Variants in PARD6G observed in about 807,000 individuals in gnomAD.
PARD6G encodes par-6 family cell polarity regulator gamma, also known as partitioning defective 6 homolog gamma.
In PARD6G, 7 loss-of-function variants were observed where a neutral mutation model predicts 10.7. That is an observed-to-expected ratio of 0.66 (90% CI 0.37 to 1.23). The LOEUF is 1.23. Ranked by LOEUF, PARD6G falls within the 50% of genes most tolerant of loss-of-function variation. The pLI is 0.02. For synonymous variants in PARD6G, 287 were observed against 269.4 expected (o/e 1.07, Z -0.64); for missense variants, 548 against 571.8 (o/e 0.96, Z 0.42).
rs981680378 is a variant in PARD6G at position 80,158,837 on chromosome 18, A to AAAAC, written c.*930_*933dup. 2 of 152,144 alleles carry AAAAC rather than the reference A, an allele frequency of 1.3e-5. No individual in the cohort carries two copies. The highest frequency in any genetic ancestry group is 2.1e-4 in the South Asian group (1 of 4,820). 9.4% of individuals were successfully genotyped at this position (152,144 alleles called of 1,614,324 possible). On this transcript the variant is annotated 3_prime_UTR_variant, in exon 3 of 3. Coordinates refer to ENST00000353265, the MANE Select transcript of PARD6G (RefSeq NM_032510.4). ...ATGACAGAACAAGACACTATGTCTC[A>AAAAC]AAACAAACAAAAAAAAGCCCCGGAA...
chr18:80,232,607 T>A (rs751082029), intron 1 of PARD6G, among the ~76,000 whole-genome samples: 1 of 152,098 alleles, frequency 6.6e-6, no homozygotes, highest in Non-Finnish European at 1.5e-5. Context: ...ACTGCCCCCA[T>A]GATTCAAATT....
At chr18:80,187,157 G>C (rs2052884602) in intron 2 of PARD6G, among the ~76,000 whole-genome samples, 1 of 152,036 alleles carries the variant, frequency 6.6e-6, no homozygotes, top group Non-Finnish European at 1.5e-5. Flanking sequence ...CTAATGGTCT[G>C]ACACCAGTGG....
Position 80,183,531 on chromosome 18 carries a change from G to A in PARD6G, c.295+19179C>T, listed in dbSNP as rs892764561. The A allele has an allele frequency of 4.1e-4, 84 of 206,212 alleles. 1 individual carries two copies. Among genetic ancestry groups the A allele is most frequent in the East Asian group, 2.5e-4 (2 of 7,880 alleles). 12.8% of individuals were successfully genotyped at this position (206,212 alleles called of 1,614,324 possible). Reference sequence around the variant, plus strand: ...CCGGTCGTACACACAGCCCCAGCTCGAGCACTGTGCGGCCACTCTCTCTCC... The same window carrying A: ...CCGGTCGTACACACAGCCCCAGCTCAAGCACTGTGCGGCCACTCTCTCTCC... On this transcript the variant is annotated intron_variant, in intron 2 of 2. Coordinates refer to ENST00000353265, the MANE Select transcript of PARD6G (RefSeq NM_032510.4). The surrounding 1 kb of genome is among the most constrained non-coding windows in gnomAD (Gnocchi z 4.5).
intron 1 of PARD6G, among the ~76,000 whole-genome samples, chr18:80,212,641 TTTGGGAGG>T (rs1383930149): frequency 6.6e-6 from 1 of 151,968 alleles, no homozygotes; most frequent in East Asian, 1.9e-4. Flanking sequence ...ATCCCAGCAT[TTTGGGAGG>T]CCAAGGCGGG....
At chr18:80,204,151 T>A (rs1382355519) in intron 1 of PARD6G, among the ~76,000 whole-genome samples, 1 of 152,222 alleles carries the variant, frequency 6.6e-6, no homozygotes, top group Non-Finnish European at 1.5e-5. Flanking sequence ...CAATTCGGGA[T>A]CTTTATTCAT....
At chr18:80,215,866 C>T (rs1387843514) in intron 1 of PARD6G, among the ~76,000 whole-genome samples, 1 of 151,988 alleles carries the variant, frequency 6.6e-6, no homozygotes, top group Non-Finnish European at 1.5e-5. Context: ...AACAATCATT[C>T]TCCAGTTATA....
chr18:80,229,033 G>T (rs993926917), intron 1 of PARD6G, among the ~76,000 whole-genome samples: 43 of 152,102 alleles, frequency 2.8e-4, no homozygotes, highest in African/African-American at 9.7e-4. Flanking sequence ...CCACCTCCTG[G>T]GTTCAAGCGA....
chr18:80,181,692 C>CTGGA lies in PARD6G; in HGVS notation c.295+21014_295+21017dup, dbSNP rs2052849315. Among the ~76,000 whole-genome samples the CTGGA allele has an allele frequency of 6.6e-6, 1 of 152,152 alleles. No individual in the cohort carries two copies. The highest frequency in any genetic ancestry group is 1.9e-4 in the East Asian group (1 of 5,184). On this transcript the variant is annotated intron_variant, in intron 2 of 2. Transcript: ENST00000353265. The surrounding 1 kb of genome is among the most constrained non-coding windows in gnomAD (Gnocchi z 7.9). The stretch of plus-strand genomic sequence containing the variant: ...GGAAGAGCTTCTCTCTGCTGCCAAC[C>CTGGA]TGGAGCCTGGCCCTTCCCTCCTTCC...
intron 2 of PARD6G, among the ~76,000 whole-genome samples, chr18:80,166,986 A>G (rs1193895728): frequency 6.6e-6 from 1 of 152,116 alleles, no homozygotes; most frequent in Non-Finnish European, 1.5e-5. Flanking sequence ...CTGTGCTCCA[A>G]GGGAGTTTCA....
intron 1 of PARD6G, among the ~76,000 whole-genome samples, chr18:80,236,396 T>A (rs762379615): frequency 6.6e-6 from 1 of 152,154 alleles, no homozygotes; most frequent in Non-Finnish European, 1.5e-5. Context: ...GCCAATATCA[T>A]CTTGAATGGG....
chr18:80,236,006 C>T (rs1386625620), intron 1 of PARD6G, among the ~76,000 whole-genome samples: 2 of 152,166 alleles, frequency 1.3e-5, no homozygotes, highest in Non-Finnish European at 2.9e-5. Context: ...TTTTATGAGG[C>T]CAGCATCATC....
At chr18:80,173,689 G>A (rs1055339164) in intron 2 of PARD6G, among the ~76,000 whole-genome samples, 2 of 152,146 alleles carry the variant, frequency 1.3e-5, no homozygotes, top group African/African-American at 4.8e-5. Context: ...AAACACTGAT[G>A]CTTTTTTCTG....
chr18:80,246,530 G>A lies in PARD6G; in HGVS notation c.72+747C>T, dbSNP rs1387771100. Among the ~76,000 whole-genome samples, 1 of 150,418 alleles carries A rather than the reference G, an allele frequency of 6.6e-6. No individual in the cohort carries two copies. The highest frequency in any genetic ancestry group is 2.4e-5 in the African/African-American group (1 of 40,866). Reference sequence around the variant, plus strand: ...GTCTGATCCGGGGGCGCGCTCGGGAGGGGTCTGGGTCTGAGCCGGGGGCGC... The same window carrying A: ...GTCTGATCCGGGGGCGCGCTCGGGAAGGGTCTGGGTCTGAGCCGGGGGCGC... On this transcript the variant is annotated intron_variant, in intron 1 of 2. Transcript: ENST00000353265. The surrounding 1 kb of genome is among the most constrained non-coding windows in gnomAD (Gnocchi z 6.7).
intron 2 of PARD6G, 142 bp from the exon 3 acceptor site, chr18:80,160,748 GAGCT>G (rs34423903): frequency 1.6e-6 from 2 of 1,281,748 alleles, no homozygotes; most frequent in Non-Finnish European, 2.0e-6. Context: ...CCTGCAGGCT[GAGCT>G]GAAATCAGGC....
At position 80,247,323 on chromosome 18, in the gene PARD6G, T is replaced by G. The variant is rs556434662; in HGVS notation, c.26A>C (p.Gln9Pro). Residue 9 changes from glutamine to proline, a missense_variant, in exon 1 of 3, where the codon CAG becomes CCG. Coordinates refer to ENST00000353265, the MANE Select transcript of PARD6G (RefSeq NM_032510.4). This position sits in a 1 kb window ranked among gnomAD's most constrained non-coding sequence, Gnocchi z 4.2. MNRSFHKS[Q>P]TLRFYDCSAV... ...GCTGCAATCGTAGAATCGCAAGGTC[T>G]GAGACTTGTGAAAACTTCGGTTCAT... The G allele has an allele frequency of 1.9e-6, 3 of 1,580,200 alleles. No individual in the cohort carries two copies. The South Asian group carries it at 3.4e-5, about 18-fold the overall frequency.
chr18:80,192,819 G>A lies in PARD6G; in HGVS notation c.295+9891C>T, dbSNP rs944972809. 8.5e-5 allele frequency among the ~76,000 whole-genome samples: 13 copies of A among 152,192 alleles called. No homozygotes were observed. The highest frequency in any genetic ancestry group is 2.6e-4 in the Admixed American group (4 of 15,300). ...CTGTGGGCAGGGACCCTCCTGGCTC[G>A]CCGGCCGTGGGAGCTGGGCTGTCAG... is the stretch of plus-strand genomic sequence containing the variant. On this transcript the variant is annotated intron_variant, in intron 2 of 2. Coordinates refer to ENST00000353265, the MANE Select transcript of PARD6G (RefSeq NM_032510.4). The surrounding 1 kb of genome is among the most constrained non-coding windows in gnomAD (Gnocchi z 4.9).
chr18:80,214,315 A>G (rs1967139249), intron 1 of PARD6G, among the ~76,000 whole-genome samples: 1 of 151,930 alleles, frequency 6.6e-6, no homozygotes, highest in African/African-American at 2.4e-5. Context: ...AAGACCAAAA[A>G]TTAGCCAGGT....
chr18:80,196,645 A>C (rs2145276162), intron 2 of PARD6G, among the ~76,000 whole-genome samples: 1 of 152,306 alleles, frequency 6.6e-6, no homozygotes, highest in South Asian at 2.1e-4. Flanking sequence ...CTCAATTGGA[A>C]GAGAATCAAG....
chr18:80,182,290 G>A lies in PARD6G; in HGVS notation c.295+20420C>T, dbSNP rs540071523. Among the ~76,000 whole-genome samples the A allele has an allele frequency of 2.6e-5, 4 of 152,238 alleles. No individual in the cohort carries two copies. The highest frequency in any genetic ancestry group is 4.8e-5 in the African/African-American group (2 of 41,478). ...CCCCAGCCCTCCCTGAAGGGTGGCA[G>A]CTGATGCCTGTGTGCCTGAAGGCAG... On this transcript the variant is annotated intron_variant, in intron 2 of 2. Coordinates refer to ENST00000353265, the MANE Select transcript of PARD6G (RefSeq NM_032510.4). This position sits in a 1 kb window ranked among gnomAD's most constrained non-coding sequence, Gnocchi z 4.5.
Sources: allele counts gnomAD v4.1 joint callset (sites outside exome capture counted in the v4.1 genomes callset), GRCh38; gene constraint gnomAD v4.1.1; non-coding constraint Gnocchi (gnomAD v3.1); transcripts MANE v1.5; gene names NCBI Gene and HGNC (gene_info 2026-07-23, HGNC 2026-07-21).